Variants in RASAL2 observed in about 807,000 individuals in gnomAD.
The protein encoded by RASAL2 is ras GTPase-activating protein nGAP.
Under a neutral mutation model 128.9 loss-of-function variants are expected in RASAL2, and 58 were observed. The ratio of observed to expected loss-of-function variants is 0.45; its 90% CI spans 0.36 to 0.56. The LOEUF is 0.56. RASAL2 is among the 20% of genes least tolerant of loss of function. The pLI is 0.00. For missense variants in RASAL2, 1,360 were observed against 1,601.6 expected, an observed-to-expected ratio of 0.85 and a Z score of 2.57; for synonymous variants, 561 against 580.8, an observed-to-expected ratio of 0.97 and a Z score of 0.49.
chr1:178,126,084 C>T (rs1024995828), intron 1 of RASAL2, among the ~76,000 whole-genome samples: 4 of 152,154 alleles, frequency 2.6e-5, no homozygotes, highest in African/African-American at 9.7e-5. Context: ...GTCATATGCT[C>T]TTACCTCTCT....
intron 1 of RASAL2, among the ~76,000 whole-genome samples, chr1:178,161,283 C>T (rs945077282): frequency 1.6e-4 from 24 of 151,972 alleles, no homozygotes; most frequent in Admixed American, 4.6e-4. Context: ...GTTCATTTCC[C>T]CTCCCTCAGG....
At chr1:178,326,613 C>T (rs1183211110) in intron 3 of RASAL2, among the ~76,000 whole-genome samples, 2 of 152,060 alleles carry the variant, frequency 1.3e-5, no homozygotes, top group East Asian at 1.9e-4. Context: ...GGCACAATCT[C>T]GGCTCACCAC....
At chr1:178,219,014 C>T (rs779484428) in intron 1 of RASAL2, among the ~76,000 whole-genome samples, 3 of 152,222 alleles carry the variant, frequency 2.0e-5, no homozygotes, top group Non-Finnish European at 4.4e-5. Context: ...CATCAGTGTT[C>T]TTAGTGTTCA....
At chr1:178,447,439 C>T (rs542760351) in intron 9 of RASAL2, among the ~76,000 whole-genome samples, 3 of 151,814 alleles carry the variant, frequency 2.0e-5, no homozygotes, top group African/African-American at 7.3e-5. Flanking sequence ...TTTAGGAGGC[C>T]GAGGCAGGCC....
chr1:178,289,548 C>T (rs1017979131), intron 2 of RASAL2, among the ~76,000 whole-genome samples: 1 of 152,096 alleles, frequency 6.6e-6, no homozygotes, highest in African/African-American at 2.4e-5. Flanking sequence ...CTCTTGGGCT[C>T]AAGTGATCCT....
intron 1 of RASAL2, among the ~76,000 whole-genome samples, chr1:178,128,685 G>T (rs1196718459): frequency 6.6e-6 from 1 of 152,038 alleles, no homozygotes; most frequent in Non-Finnish European, 1.5e-5. Context: ...GTATCTGTTT[G>T]CAGTTAATTC....
chr1:178,300,980 A>G (rs1667739464), intron 3 of RASAL2, among the ~76,000 whole-genome samples: 1 of 152,202 alleles, frequency 6.6e-6, no homozygotes, highest in Non-Finnish European at 1.5e-5. Flanking sequence ...ATCAGTATGG[A>G]TAATTCTGTA....
intron 2 of RASAL2, among the ~76,000 whole-genome samples, chr1:178,290,166 G>A (rs1667211155): frequency 6.6e-6 from 1 of 152,122 alleles, no homozygotes; most frequent in East Asian, 1.9e-4. Flanking sequence ...CAAAGATTTT[G>A]TTTGTTTTGT....
chr1:178,352,624 G>C (rs964758704), intron 3 of RASAL2, among the ~76,000 whole-genome samples: 3 of 152,238 alleles, frequency 2.0e-5, no homozygotes, highest in Non-Finnish European at 4.4e-5. Flanking sequence ...CCACTAGGTA[G>C]TGCCCCAGTG....
chr1:178,406,937 A>C (rs1157387049), intron 4 of RASAL2, among the ~76,000 whole-genome samples: 1 of 152,066 alleles, frequency 6.6e-6, no homozygotes, highest in African/African-American at 2.4e-5. Flanking sequence ...GTATGTTTAA[A>C]AGTTTCATAA....
chr1:178,197,891 G>A (rs573705975), intron 1 of RASAL2, among the ~76,000 whole-genome samples: 181 of 151,798 alleles, frequency 1.2e-3, no homozygotes, highest in African/African-American at 3.8e-3. Context: ...GATGTTCCCC[G>A]CCCTGTGTCC....
At chr1:178,397,863 G>C (rs1357124567) in intron 4 of RASAL2, among the ~76,000 whole-genome samples, 1 of 151,398 alleles carries the variant, frequency 6.6e-6, no homozygotes, top group Non-Finnish European at 1.5e-5. Flanking sequence ...CAGTCATCCT[G>C]CTTTGGTCTT....
intron 1 of RASAL2, among the ~76,000 whole-genome samples, chr1:178,151,687 A>G (rs1660920119): frequency 6.6e-6 from 1 of 152,200 alleles, no homozygotes; most frequent in South Asian, 2.1e-4. Context: ...ATGCTAGTGT[A>G]GTCCCCTTCC....
intron 1 of RASAL2, among the ~76,000 whole-genome samples, chr1:178,207,555 C>G (rs987672391): frequency 2.6e-5 from 4 of 151,968 alleles, no homozygotes; most frequent in African/African-American, 9.7e-5. Flanking sequence ...ATCCTGGAAC[C>G]GATTCCCCAT....
chr1:178,421,036 CTAT>C (rs1402758139), intron 5 of RASAL2, among the ~76,000 whole-genome samples: 2 of 152,126 alleles, frequency 1.3e-5, no homozygotes, highest in East Asian at 1.9e-4. Context: ...ATGATAAATA[CTAT>C]TATTATCACC....
chr1:178,424,392 G>A (rs775732795), intron 5 of RASAL2, among the ~76,000 whole-genome samples: 10 of 150,716 alleles, frequency 6.6e-5, no homozygotes, highest in Non-Finnish European at 1.3e-4. Flanking sequence ...GCAGACATAA[G>A]CCACTGCCTC....
chr1:178,384,582 C>T (rs1234677640), intron 3 of RASAL2, among the ~76,000 whole-genome samples: 9 of 150,762 alleles, frequency 6.0e-5, no homozygotes, highest in African/African-American at 1.2e-4. Context: ...GTGGGAGGAT[C>T]GTTTGAACAT....
At chr1:178,371,924 T>G (rs1028549270) in intron 3 of RASAL2, among the ~76,000 whole-genome samples, 27 of 152,164 alleles carry the variant, frequency 1.8e-4, no homozygotes, top group African/African-American at 5.8e-4. Flanking sequence ...TAAACACACT[T>G]CATTATTCAG....
At position 178,414,119 on chromosome 1, in the gene RASAL2, A is replaced by G. The variant is rs148986945; in HGVS notation, c.565-6392A>G. Among the ~76,000 whole-genome samples the G allele has an allele frequency of 8.3e-4, 127 of 152,348 alleles. 1 individual carries two copies. Among genetic ancestry groups the G allele is most frequent in the African/African-American group, 2.9e-3 (120 of 41,578 alleles). On this transcript the variant is annotated intron_variant, in intron 4 of 17. Coordinates refer to ENST00000367649, the MANE Select transcript of RASAL2 (RefSeq NM_170692.4). ...TTGACTTACAATAGGGTTATGTCCAAATAAACCCATCATAAGTCAAAAATA... is the reference window on the plus strand; with the variant it reads ...TTGACTTACAATAGGGTTATGTCCAGATAAACCCATCATAAGTCAAAAATA...
Sources: allele counts gnomAD v4.1 joint callset (sites outside exome capture counted in the v4.1 genomes callset), GRCh38; gene constraint gnomAD v4.1.1; transcripts MANE v1.5; gene names NCBI Gene and HGNC (gene_info 2026-07-23, HGNC 2026-07-21).